PRKN: variants seen among roughly 807,000 people sequenced by gnomAD.
The protein encoded by PRKN is E3 ubiquitin-protein ligase parkin.
A neutral mutation model predicts 59.5 loss-of-function variants in PRKN; 56 were observed. The ratio of observed to expected loss-of-function variants is 0.94; its 90% CI spans 0.76 to 1.18. The LOEUF is 1.18. PRKN is among the 50% of genes most tolerant of loss of function. The pLI is 0.00. For missense variants in PRKN, 657 were observed against 596.4 expected, an observed-to-expected ratio of 1.10 and a Z score of -1.06; for synonymous variants, 250 against 222.1, an observed-to-expected ratio of 1.13 and a Z score of -1.12.
intron 1 of PRKN, among the ~76,000 whole-genome samples, chr6:162,533,667 T>C (rs1359964198): frequency 6.6e-6 from 1 of 152,094 alleles, no homozygotes; most frequent in Non-Finnish European, 1.5e-5. Flanking sequence ...TGTCTGAGCA[T>C]GTATTTTCTA....
intron 3 of PRKN, among the ~76,000 whole-genome samples, chr6:162,216,138 G>A (rs62430341): frequency 6.6e-6 from 1 of 152,150 alleles, no homozygotes; most frequent in African/African-American, 2.4e-5. Flanking sequence ...ACTATCTGCA[G>A]GAAACACTAT....
At chr6:161,569,274 G>T in intron 8 of PRKN, 81 bp downstream of exon 8, 2 of 1,265,138 alleles carry the variant, frequency 1.6e-6, no homozygotes, top group Non-Finnish European at 2.3e-6. Context: ...GACATACTCG[G>T]CCTCCCTGGG....
intron 7 of PRKN, among the ~76,000 whole-genome samples, chr6:161,695,775 G>A (rs1035943383): frequency 2.0e-5 from 3 of 152,118 alleles, no homozygotes; most frequent in Admixed American, 1.3e-4. Context: ...AGTTGGAAAC[G>A]GTACAGTCAA....
At chr6:161,936,466 C>T (rs960728057) in intron 6 of PRKN, among the ~76,000 whole-genome samples, 2 of 152,088 alleles carry the variant, frequency 1.3e-5, no homozygotes, top group African/African-American at 4.8e-5. Context: ...GCCTTTGCCT[C>T]CCAAAGTGCT....
chr6:161,884,083 A>G (rs893082882), intron 6 of PRKN, among the ~76,000 whole-genome samples: 3 of 152,238 alleles, frequency 2.0e-5, no homozygotes, highest in Non-Finnish European at 2.9e-5. Context: ...AACTAACATG[A>G]AACTAACTAA....
At chr6:161,907,996 T>C (rs1713585570) in intron 6 of PRKN, among the ~76,000 whole-genome samples, 1 of 152,060 alleles carries the variant, frequency 6.6e-6, no homozygotes, top group Non-Finnish European at 1.5e-5. Flanking sequence ...GAGAATGGCT[T>C]GAACCCAAGA....
intron 1 of PRKN, among the ~76,000 whole-genome samples, chr6:162,522,388 T>G (rs1187129357): frequency 6.6e-6 from 1 of 152,246 alleles, no homozygotes; most frequent in Non-Finnish European, 1.5e-5. Flanking sequence ...CCTCCCAAAG[T>G]GCTGGGATTA....
intron 5 of PRKN, among the ~76,000 whole-genome samples, chr6:162,039,506 C>T (rs117536460): frequency 6.6e-6 from 1 of 151,962 alleles, no homozygotes; most frequent in African/African-American, 2.4e-5. Context: ...CTGGCACCTC[C>T]TTCTCTCTCT....
rs75279852 is a variant in PRKN at position 162,418,449 on chromosome 6, A to C, written c.171+24861T>G. ...GTGAAAACGCTCCCAAGATACTAAA[A>C]ACCATAGAATGGTATGCTTAAATGG... On this transcript the variant is annotated intron_variant, in intron 2 of 11. Coordinates refer to ENST00000366898, the MANE Select transcript of PRKN (RefSeq NM_004562.3). Among the ~76,000 whole-genome samples the C allele has an allele frequency of 3.2e-3, 485 of 152,178 alleles. 4 individuals carry two copies. Among genetic ancestry groups the C allele is most frequent in the African/African-American group, 0.011 (462 of 41,522 alleles).
At chr6:162,112,648 GC>G (rs1583049999) in intron 4 of PRKN, among the ~76,000 whole-genome samples, 1 of 152,156 alleles carries the variant, frequency 6.6e-6, no homozygotes, top group East Asian at 1.9e-4. Context: ...GGGCGCAGTG[GC>G]TCATGTGTAT....
rs1007900868 is a variant in PRKN at position 161,552,657 on chromosome 6, G to C, written c.934-3654C>G. Among the ~76,000 whole-genome samples the C allele has an allele frequency of 1.3e-5, 2 of 151,872 alleles. No homozygotes were observed. The highest frequency in any genetic ancestry group is 4.8e-5 in the African/African-American group (2 of 41,334). ...TAGAATAAGCTTAATACATTATAAA[G>C]TGACCAACTTTTTAAACACTACCCA... On this transcript the variant is annotated intron_variant, in intron 8 of 11. Transcript: ENST00000366898. The surrounding 1 kb of genome is among the most constrained non-coding windows in gnomAD (Gnocchi z 4.9).
intron 6 of PRKN, among the ~76,000 whole-genome samples, chr6:161,875,115 ATATAAAG>A (rs2128228181): frequency 7.5e-6 from 1 of 133,376 alleles, no homozygotes; most frequent in Non-Finnish European, 1.5e-5. Context: ...TATATATTAT[ATATAAAG>A]TATATATTAT....
intron 1 of PRKN, among the ~76,000 whole-genome samples, chr6:162,669,364 C>T (rs1265961870): frequency 6.6e-6 from 1 of 152,046 alleles, no homozygotes; most frequent in Non-Finnish European, 1.5e-5. Flanking sequence ...GTCACGATTG[C>T]CCCCATTAAA....
chr6:162,097,857 C>A (rs779449085), intron 4 of PRKN, among the ~76,000 whole-genome samples: 1 of 152,158 alleles, frequency 6.6e-6, no homozygotes, highest in Non-Finnish European at 1.5e-5. Context: ...AGGAAACCAA[C>A]GAAAAGCTTC....
At chr6:161,840,982 A>T (rs756156453) in intron 6 of PRKN, among the ~76,000 whole-genome samples, 69 of 152,232 alleles carry the variant, frequency 4.5e-4, no homozygotes, top group Non-Finnish European at 6.9e-4. Context: ...TTGTAAAAAA[A>T]GTTCAGCCAC....
intron 9 of PRKN, among the ~76,000 whole-genome samples, chr6:161,425,876 ATTTT>A (rs985680691): frequency 6.6e-6 from 1 of 152,070 alleles, no homozygotes; most frequent in African/African-American, 2.4e-5. Flanking sequence ...AAGACATGGT[ATTTT>A]TTTAATAGCT....
Position 161,376,713 on chromosome 6 carries a change from A to ACCTCTG in PRKN, c.1167+10075_1167+10080dup, listed in dbSNP as rs1785721070. Among the ~76,000 whole-genome samples, 1 of 152,032 alleles carries ACCTCTG rather than the reference A, an allele frequency of 6.6e-6. No individual in the cohort carries two copies. The highest frequency in any genetic ancestry group is 1.9e-4 in the East Asian group (1 of 5,140). The stretch of plus-strand genomic sequence containing the variant: ...GCGAAGGGCTCACCTCTAGCCTCCT[A>ACCTCTG]CCTCTGGCTCCCCTCAGTCTTCTGT... On this transcript the variant is annotated intron_variant, in intron 10 of 11. Transcript: ENST00000366898. The surrounding 1 kb of genome is among the most constrained non-coding windows in gnomAD (Gnocchi z 7.3).
Position 161,471,739 on chromosome 6 carries a change from T to C in PRKN, c.1083+77115A>G, listed in dbSNP as rs1020280808. ...GAGTTTAAATCCCAGTACTAGAATATATGTAACAGCTATATTGGCTGTGGG... is the reference window on the plus strand; with the variant it reads ...GAGTTTAAATCCCAGTACTAGAATACATGTAACAGCTATATTGGCTGTGGG... On this transcript the variant is annotated intron_variant, in intron 9 of 11. Coordinates refer to ENST00000366898, the MANE Select transcript of PRKN (RefSeq NM_004562.3). This position sits in a 1 kb window ranked among gnomAD's most constrained non-coding sequence, Gnocchi z 4.5. Among the ~76,000 whole-genome samples the C allele has an allele frequency of 2.0e-5, 3 of 152,184 alleles. No homozygotes were observed. The highest frequency in any genetic ancestry group is 4.1e-4 in the South Asian group (2 of 4,826).
In PRKN at chr6:162,083,034, A is replaced by G. The variant is rs543339549; in HGVS notation, c.535-28860T>C. Among the ~76,000 whole-genome samples the G allele has an allele frequency of 1.4e-4, 22 of 152,174 alleles. 1 individual carries two copies. The highest frequency in any genetic ancestry group is 4.8e-4 in the African/African-American group (20 of 41,460). ...CAGTGGCGCGATGTCAGCTCACTGCAACCTCTGCCTCCCAGGTTCAAGGGA... is the reference window on the plus strand; with the variant it reads ...CAGTGGCGCGATGTCAGCTCACTGCGACCTCTGCCTCCCAGGTTCAAGGGA... On this transcript the variant is annotated intron_variant, in intron 4 of 11. Coordinates refer to ENST00000366898, the MANE Select transcript of PRKN (RefSeq NM_004562.3).
Sources: allele counts gnomAD v4.1 joint callset (sites outside exome capture counted in the v4.1 genomes callset), GRCh38; gene constraint gnomAD v4.1.1; non-coding constraint Gnocchi (gnomAD v3.1); transcripts MANE v1.5; gene names NCBI Gene and HGNC (gene_info 2026-07-23, HGNC 2026-07-21).